Variants in FSTL5 observed in about 807,000 individuals in gnomAD.
FSTL5 encodes follistatin-related protein 5.
Under a neutral mutation model 89.1 loss-of-function variants are expected in FSTL5, and 62 were observed. The ratio of observed to expected loss-of-function variants is 0.70; its 90% CI spans 0.57 to 0.86. FSTL5 has a LOEUF of 0.86. FSTL5 is among the 40% of genes least tolerant of loss of function. The pLI is 0.00. For synonymous variants in FSTL5, 383 were observed against 346.2 expected, an observed-to-expected ratio of 1.11 and a Z score of -1.18; for missense variants, 1,057 against 1,001.6, an observed-to-expected ratio of 1.06 and a Z score of -0.75.
chr4:161,641,697 A>G (rs1487052163), intron 7 of FSTL5, among the ~76,000 whole-genome samples: 2 of 151,872 alleles, frequency 1.3e-5, no homozygotes, highest in South Asian at 2.1e-4. Flanking sequence ...TCACCGTGTT[A>G]GCCAGGATGG....
At chr4:161,478,353 CATA>C (rs761524107) in intron 13 of FSTL5, among the ~76,000 whole-genome samples, 4 of 152,022 alleles carry the variant, frequency 2.6e-5, no homozygotes, top group Non-Finnish European at 4.4e-5. Flanking sequence ...AGCTTTTGTT[CATA>C]ATATTTTAAT....
intron 13 of FSTL5, among the ~76,000 whole-genome samples, chr4:161,466,204 A>AT (rs1733742692): frequency 6.6e-6 from 1 of 152,168 alleles, no homozygotes; most frequent in South Asian, 2.1e-4. Flanking sequence ...ACATTATGAG[A>AT]TTTTTTATTT....
chr4:162,160,807 T>C (rs974638893), intron 1 of FSTL5, among the ~76,000 whole-genome samples: 1 of 151,526 alleles, frequency 6.6e-6, no homozygotes, highest in Non-Finnish European at 1.5e-5. Flanking sequence ...ATCGCCCATG[T>C]TAGTAACTAG....
At chr4:162,039,764 T>A (rs937345151) in intron 2 of FSTL5, among the ~76,000 whole-genome samples, 2 of 151,956 alleles carry the variant, frequency 1.3e-5, no homozygotes, top group Non-Finnish European at 2.9e-5. Flanking sequence ...AATAAATCAA[T>A]AAACATAAAA....
At chr4:161,674,311 G>T (rs1737224100) in intron 6 of FSTL5, among the ~76,000 whole-genome samples, 1 of 151,810 alleles carries the variant, frequency 6.6e-6, no homozygotes, top group Non-Finnish European at 1.5e-5. Context: ...AAATGGGAAA[G>T]AATAGAAATG....
intron 1 of FSTL5, among the ~76,000 whole-genome samples, chr4:162,142,421 T>C (rs543246208): frequency 6.6e-6 from 1 of 152,232 alleles, no homozygotes; most frequent in African/African-American, 2.4e-5. Context: ...GTCTAGTAGA[T>C]TTGAGAAAGA....
chr4:161,423,179 T>A (rs1732046517), intron 15 of FSTL5, among the ~76,000 whole-genome samples: 1 of 152,188 alleles, frequency 6.6e-6, no homozygotes, highest in Admixed American at 6.5e-5. Context: ...ACCATTTCCC[T>A]CATATGGAAA....
intron 4 of FSTL5, among the ~76,000 whole-genome samples, chr4:161,848,961 C>G (rs918953266): frequency 6.6e-6 from 1 of 152,012 alleles, no homozygotes. Flanking sequence ...TGAAAACTGC[C>G]ATAAGTGAGG....
At chr4:161,395,776 G>A (rs1483337138) in intron 15 of FSTL5, among the ~76,000 whole-genome samples, 1 of 152,100 alleles carries the variant, frequency 6.6e-6, no homozygotes, top group East Asian at 1.9e-4. Context: ...GAAATAAATA[G>A]ACTGTTCAGA....
At chr4:161,870,295 G>T (rs893946306) in intron 4 of FSTL5, among the ~76,000 whole-genome samples, 2 of 151,720 alleles carry the variant, frequency 1.3e-5, no homozygotes, top group African/African-American at 4.8e-5. Context: ...AGTTACTTAA[G>T]AATTTTCCTT....
At chr4:162,124,998 T>C (rs1175403839) in intron 1 of FSTL5, among the ~76,000 whole-genome samples, 1 of 152,332 alleles carries the variant, frequency 6.6e-6, no homozygotes, top group East Asian at 1.9e-4. Flanking sequence ...CTACCTCGCC[T>C]GGCCTTCACT....
chr4:161,603,242 T>C lies in FSTL5; in HGVS notation c.895-15667A>G, dbSNP rs116190482. 2.4e-3 allele frequency among the ~76,000 whole-genome samples: 370 copies of C among 152,216 alleles called. 2 individuals carry two copies. The highest frequency in any genetic ancestry group is 8.6e-3 in the African/African-American group (359 of 41,550). On this transcript the variant is annotated intron_variant, in intron 7 of 15. Coordinates refer to ENST00000306100, the MANE Select transcript of FSTL5 (RefSeq NM_020116.5). ...CATTGCAATCAAGTGAATATGGCAA[T>C]AGAGAGACCCACACAATTTGTTTTT...
intron 3 of FSTL5, among the ~76,000 whole-genome samples, chr4:162,033,097 A>G (rs1737600477): frequency 6.6e-6 from 1 of 152,222 alleles, no homozygotes; most frequent in African/African-American, 2.4e-5. Context: ...TATTATCTCA[A>G]TGAGTAAACT....
At chr4:161,789,899 G>A (rs918731881) in intron 4 of FSTL5, among the ~76,000 whole-genome samples, 4 of 152,114 alleles carry the variant, frequency 2.6e-5, no homozygotes, top group Non-Finnish European at 5.9e-5. Context: ...CAGATAGAAA[G>A]CATATAAAGC....
At chr4:161,640,435 T>G (rs1388603533) in intron 7 of FSTL5, among the ~76,000 whole-genome samples, 2 of 152,102 alleles carry the variant, frequency 1.3e-5, no homozygotes, top group African/African-American at 2.4e-5. Flanking sequence ...AAGAAAAGCA[T>G]GTATAAACAA....
chr4:161,756,259 A>T (rs1011434567), intron 6 of FSTL5, among the ~76,000 whole-genome samples: 1 of 152,234 alleles, frequency 6.6e-6, no homozygotes, highest in Non-Finnish European at 1.5e-5. Flanking sequence ...TCTAAAAAGA[A>T]AAAATTATCT....
At chr4:161,593,504 G>GA (rs779251793) in intron 7 of FSTL5, among the ~76,000 whole-genome samples, 4 of 150,800 alleles carry the variant, frequency 2.7e-5, no homozygotes, top group Non-Finnish European at 5.9e-5. Flanking sequence ...TCAGAGAAGA[G>GA]AAAGAGAGAA....
At chr4:161,795,052 G>C (rs1485902785) in intron 4 of FSTL5, among the ~76,000 whole-genome samples, 1 of 151,536 alleles carries the variant, frequency 6.6e-6, no homozygotes, top group African/African-American at 2.4e-5. Context: ...TGAGTGCCAG[G>C]CGCCTATTTT....
At chr4:161,397,068 A>G (rs554849077) in intron 15 of FSTL5, among the ~76,000 whole-genome samples, 94 of 152,274 alleles carry the variant, frequency 6.2e-4, no homozygotes, top group Non-Finnish European at 1.1e-3. Context: ...AAGGCAGGGG[A>G]TAAAAGGGAG....
Sources: allele counts gnomAD v4.1 joint callset (sites outside exome capture counted in the v4.1 genomes callset), GRCh38; gene constraint gnomAD v4.1.1; transcripts MANE v1.5; gene names NCBI Gene and HGNC (gene_info 2026-07-23, HGNC 2026-07-21).